PLA2R1: variants seen among roughly 807,000 people sequenced by gnomAD.
PLA2R1 encodes the protein secretory phospholipase A2 receptor.
In PLA2R1, 158 loss-of-function variants were observed where a neutral mutation model predicts 195.9. The ratio of observed to expected loss-of-function variants is 0.81; its 90% CI spans 0.71 to 0.92. The LOEUF is 0.92. Ranked by LOEUF, PLA2R1 falls within the 40% of genes least tolerant of loss-of-function variation. The pLI, the probability that PLA2R1 is intolerant of heterozygous loss-of-function variation, is 0.00. For missense variants in PLA2R1, 1,626 were observed against 1,764.6 expected (o/e 0.92, Z 1.41); for synonymous variants, 586 against 598.2 (o/e 0.98, Z 0.30).
chr2:159,964,354 A>G (rs1327644402), intron 20 of PLA2R1, among the ~76,000 whole-genome samples: 1 of 152,192 alleles, frequency 6.6e-6, no homozygotes, highest in Non-Finnish European at 1.5e-5. Flanking sequence ...ATTGAATTGT[A>G]CACTCAATAA....
intron 3 of PLA2R1, among the ~76,000 whole-genome samples, chr2:160,037,034 C>T (rs1040335392): frequency 5.3e-5 from 8 of 152,212 alleles, no homozygotes; most frequent in African/African-American, 1.7e-4. Context: ...GTCTCCAGCC[C>T]AGCTAAGCTC....
At chr2:159,963,211 A>C (rs968972064) in intron 20 of PLA2R1, among the ~76,000 whole-genome samples, 3 of 152,154 alleles carry the variant, frequency 2.0e-5, no homozygotes, top group Non-Finnish European at 4.4e-5. Context: ...CAGTTGTGAA[A>C]AACTAATTGT....
rs1696039283 is a variant in PLA2R1, at chr2:160,062,507, T to C, written c.-104A>G. ...CCCGGCCCCGCCGCGCGGAAGCGGA[T>C]CCGTAGCCTCCTCCGCGCCCCACCC... On this transcript the variant is annotated 5_prime_UTR_variant, in exon 1 of 30. Coordinates refer to ENST00000283243, the MANE Select transcript of PLA2R1 (RefSeq NM_007366.5). The C allele has an allele frequency of 7.2e-7, 1 of 1,393,668 alleles. No individual in the cohort carries two copies. The highest frequency in any genetic ancestry group is 9.2e-7 in the Non-Finnish European group (1 of 1,081,936). The allele number at this position is 1,393,668 out of a possible 1,614,324, so 86.3% of individuals were successfully genotyped here.
Position 160,020,090 on chromosome 2 carries a change from A to T in PLA2R1, c.1452+16T>A. The T allele has an allele frequency of 1.2e-6, 2 of 1,604,618 alleles. No homozygotes were observed. Among genetic ancestry groups the T allele is most frequent in the Non-Finnish European group, 1.7e-6 (2 of 1,174,476 alleles). ...AAGACCAGCAAAGTGAGCACTGAAC[A>T]AATGAATCAACTTACAGACTGCTCT... On this transcript the variant is annotated intron_variant, in intron 8 of 29. Coordinates refer to ENST00000283243, the MANE Select transcript of PLA2R1 (RefSeq NM_007366.5).
chr2:159,984,894 C>T (rs977768834), intron 12 of PLA2R1, among the ~76,000 whole-genome samples: 11 of 152,190 alleles, frequency 7.2e-5, no homozygotes, highest in Non-Finnish European at 1.6e-4. Context: ...CTCTTACTTG[C>T]TGAGACCAGA....
intron 1 of PLA2R1, among the ~76,000 whole-genome samples, chr2:160,048,448 A>G (rs904800487): frequency 1.3e-5 from 2 of 152,372 alleles, no homozygotes; most frequent in Admixed American, 6.5e-5. Flanking sequence ...CCATTAAGTT[A>G]TAATAGAATA....
chr2:159,962,582 C>T (rs1688520092), intron 20 of PLA2R1, among the ~76,000 whole-genome samples: 1 of 152,204 alleles, frequency 6.6e-6, no homozygotes. Context: ...GACACATGCA[C>T]ATGTTTGTTT....
chr2:159,961,629 C>T (rs940487315), intron 20 of PLA2R1, among the ~76,000 whole-genome samples: 1 of 152,150 alleles, frequency 6.6e-6, no homozygotes, highest in African/African-American at 2.4e-5. Context: ...CTCCCCTCCC[C>T]GCCATTCTCA....
intron 6 of PLA2R1, among the ~76,000 whole-genome samples, chr2:160,025,408 A>AT (rs1361658590): frequency 6.6e-6 from 1 of 152,144 alleles, no homozygotes; most frequent in African/African-American, 2.4e-5. Context: ...ACATAACTAT[A>AT]GCTACAATAA....
intron 28 of PLA2R1, among the ~76,000 whole-genome samples, chr2:159,942,973 CTTTT>C (rs5835779): frequency 4.3e-5 from 6 of 139,392 alleles, no homozygotes; most frequent in Non-Finnish European, 7.8e-5. Flanking sequence ...CAGACTTGTT[CTTTT>C]TTTTTTTTTT....
intron 10 of PLA2R1, among the ~76,000 whole-genome samples, chr2:160,007,220 G>T (rs1385011065): frequency 6.6e-6 from 1 of 152,178 alleles, no homozygotes; most frequent in East Asian, 1.9e-4. Flanking sequence ...ACTTCTGTTG[G>T]TTCATGCTCT....
Position 160,062,435 on chromosome 2 carries a change from G to GTCCCGGGAGCCCCTTA in PLA2R1, c.-48_-33dup, listed in dbSNP as rs1027215687. ...CCACTGGGCTCTCCGGGAGCCCCTT[G>GTCCCGGGAGCCCCTTA]TCCCGGGAGCCCCTTATCCCGGGAG... On this transcript the variant is annotated 5_prime_UTR_variant, in exon 1 of 30. Coordinates refer to ENST00000283243, the MANE Select transcript of PLA2R1 (RefSeq NM_007366.5). 3.3e-6 allele frequency: 5 copies of GTCCCGGGAGCCCCTTA among 1,519,714 alleles called. No individual in the cohort carries two copies. The highest frequency in any genetic ancestry group is 2.7e-5 in the East Asian group (1 of 37,182). 94.1% of individuals were successfully genotyped at this position (1,519,714 alleles called of 1,614,324 possible). A position where few individuals can be genotyped will look rare whatever the true frequency, so the allele number is the denominator to read the frequency against.
At chr2:160,035,762 T>C (rs538877203) in intron 3 of PLA2R1, among the ~76,000 whole-genome samples, 2 of 152,198 alleles carry the variant, frequency 1.3e-5, no homozygotes, top group Non-Finnish European at 2.9e-5. Context: ...ATACGTAGAA[T>C]GACTTGGGAA....
chr2:160,020,274 T>TA lies in PLA2R1; in HGVS notation c.1295-12dup, dbSNP rs1315632491. The TA allele has an allele frequency of 6.3e-7, 1 of 1,595,870 alleles. No homozygotes were observed. The highest frequency in any genetic ancestry group is 8.6e-7 in the Non-Finnish European group (1 of 1,167,550). The stretch of plus-strand genomic sequence containing the variant: ...TTTCTGATGCATTTTCTGTAAGAGA[T>TA]AAATGTAAATTACTTATGGGATCCT... On this transcript the variant is annotated splice_polypyrimidine_tract_variant and intron_variant, in intron 7 of 29. Coordinates refer to ENST00000283243, the MANE Select transcript of PLA2R1 (RefSeq NM_007366.5).
chr2:160,017,892 C>G (rs1055382487), intron 8 of PLA2R1, among the ~76,000 whole-genome samples: 1 of 152,138 alleles, frequency 6.6e-6, no homozygotes, highest in African/African-American at 2.4e-5. Flanking sequence ...ATCGCTCCCC[C>G]ATGGAGTCTT....
intron 20 of PLA2R1, among the ~76,000 whole-genome samples, chr2:159,956,913 T>C (rs1467023554): frequency 6.6e-6 from 1 of 151,780 alleles, no homozygotes; most frequent in African/African-American, 2.4e-5. Flanking sequence ...CAATGAAAAG[T>C]AGTATTCTTC....
intron 11 of PLA2R1, among the ~76,000 whole-genome samples, chr2:159,987,766 T>G (rs1297316564): frequency 6.6e-6 from 1 of 151,998 alleles, no homozygotes; most frequent in African/African-American, 2.4e-5. Context: ...CAGGGGAAAA[T>G]AGGTGAATAA....
intron 20 of PLA2R1, among the ~76,000 whole-genome samples, chr2:159,962,199 AC>A (rs1331143989): frequency 3.3e-5 from 5 of 152,204 alleles, no homozygotes; most frequent in Non-Finnish European, 7.3e-5. Context: ...AAAAAAACAA[AC>A]AACCCCATCA....
chr2:160,047,911 G>A (rs145430148), intron 1 of PLA2R1, among the ~76,000 whole-genome samples: 11 of 152,198 alleles, frequency 7.2e-5, no homozygotes, highest in South Asian at 2.1e-4. Context: ...CTGAGGCCTC[G>A]GCCTCCCAGG....
Sources: gnomAD v4.1 joint callset for allele counts (sites outside exome capture counted in the v4.1 genomes callset) on GRCh38, gnomAD v4.1.1 for gene constraint, MANE v1.5 for transcripts, NCBI Gene and HGNC (gene_info 2026-07-23, HGNC 2026-07-21) for gene names.